The following MKLN1 variants were observed in gnomAD, a reference collection of about 807,000 sequenced individuals.
The protein encoded by MKLN1 is muskelin.
In MKLN1, 18 loss-of-function variants were observed where a neutral mutation model predicts 99.0. The observed-to-expected ratio is 0.18, with a 90% CI of 0.13 to 0.27. The LOEUF is 0.27. Among genes scored for constraint, MKLN1 ranks in the 10% least tolerant of loss-of-function variants. The probability of loss-of-function intolerance (pLI) is 1.00; values close to 1 mark genes in which losing one functional copy is unlikely to be tolerated. For missense variants in MKLN1, 621 were observed against 875.9 expected, an observed-to-expected ratio of 0.71 and a Z score of 3.67; for synonymous variants, 288 against 293.2, an observed-to-expected ratio of 0.98 and a Z score of 0.18.
chr7:131,172,416 C>T (rs1403001673), intron 2 of MKLN1, among the ~76,000 whole-genome samples: 5 of 151,904 alleles, frequency 3.3e-5, no homozygotes, highest in East Asian at 1.9e-4. Flanking sequence ...TCTGGGTTCA[C>T]GCCATTCTCC....
intron 3 of MKLN1, among the ~76,000 whole-genome samples, chr7:131,308,177 G>A (rs1798496740): frequency 6.6e-6 from 1 of 151,636 alleles, no homozygotes. Context: ...TATCATGATT[G>A]TAAGTTTTCT....
chr7:131,119,061 T>G (rs1795321017), intron 1 of MKLN1, among the ~76,000 whole-genome samples: 2 of 152,298 alleles, frequency 1.3e-5, no homozygotes, highest in Admixed American at 1.3e-4. Context: ...AAGTCCAATA[T>G]CTCATCTGAG....
chr7:131,169,334 A>G (rs969768151), intron 2 of MKLN1, among the ~76,000 whole-genome samples: 3 of 152,206 alleles, frequency 2.0e-5, no homozygotes, highest in African/African-American at 7.2e-5. Context: ...GAAACTCGTA[A>G]TCAATTGATG....
intron 1 of MKLN1, among the ~76,000 whole-genome samples, chr7:131,354,640 T>C (rs1799820921): frequency 6.6e-6 from 1 of 152,090 alleles, no homozygotes; most frequent in Non-Finnish European, 1.5e-5. Context: ...TCAAGTTTTA[T>C]TTTTTTCTGG....
At position 131,494,538 on chromosome 7, in the gene MKLN1, G is replaced by A. The variant is rs1797505326; in HGVS notation, c.*6810G>A. On this transcript the variant is annotated 3_prime_UTR_variant, in exon 18 of 18. Transcript: ENST00000352689. ...GTTACTTAGGAGTAGTCTTCCGTGG[G>A]GGAAGATAAATTTATTAAAGAGTCA... is the stretch of plus-strand genomic sequence containing the variant. 1 of 152,050 alleles carries A rather than the reference G, an allele frequency of 6.6e-6. No individual in the cohort carries two copies. The allele number at this position is 152,050 out of a possible 1,614,324, so 9.4% of individuals were successfully genotyped here. A position where few individuals can be genotyped will look rare whatever the true frequency, so the allele number is the denominator to read the frequency against.
upstream of MKLN1, chr7:131,323,847 C>T (rs1798832240): frequency 6.6e-6 from 1 of 152,154 alleles, no homozygotes; most frequent in Non-Finnish European, 1.5e-5. Context: ...TATGGGGGAC[C>T]AGACCCTCGT....
chr7:131,395,184 G>A (rs932765654), intron 4 of MKLN1, among the ~76,000 whole-genome samples: 24 of 152,108 alleles, frequency 1.6e-4, no homozygotes, highest in African/African-American at 5.6e-4. Context: ...ACATGTAAAT[G>A]TTTGGCAAAT....
chr7:131,227,842 A>G (rs1231452673), intron 3 of MKLN1, among the ~76,000 whole-genome samples: 1 of 152,148 alleles, frequency 6.6e-6, no homozygotes, highest in African/African-American at 2.4e-5. Flanking sequence ...CTGGGATTAC[A>G]GGCTTGAGCC....
rs997003096 is a variant in MKLN1, at chr7:131,468,093, C to T, written c.1928+1678C>T. On this transcript the variant is annotated intron_variant, in intron 15 of 17. Transcript: ENST00000352689. ...AGGGACAGGCAGAGGAAGAGACACT[C>T]CACAAGAGATCAAGAAGGCATCTTA... 7.6e-4 allele frequency among the ~76,000 whole-genome samples: 116 copies of T among 152,070 alleles called. 1 individual carries two copies. The highest frequency in any genetic ancestry group is 1.3e-3 in the Non-Finnish European group (91 of 68,010).
intron 2 of MKLN1, among the ~76,000 whole-genome samples, chr7:131,166,273 G>A (rs1796123127): frequency 6.6e-6 from 1 of 152,166 alleles, no homozygotes; most frequent in Admixed American, 6.5e-5. Flanking sequence ...GGATGGAGAT[G>A]CTGAGACTGT....
intron 2 of MKLN1, among the ~76,000 whole-genome samples, chr7:131,200,550 G>C (rs1796712033): frequency 6.6e-6 from 1 of 152,190 alleles, no homozygotes. Flanking sequence ...GCCATTTCCT[G>C]ACTTAGTCAC....
intron 3 of MKLN1, among the ~76,000 whole-genome samples, chr7:131,206,710 C>T (rs868527333): frequency 1.3e-5 from 2 of 151,884 alleles, no homozygotes; most frequent in Admixed American, 6.6e-5. Context: ...CGTGCGCCAC[C>T]GTGGCCGGCT....
chr7:131,457,223 G>C (rs1796370474), intron 12 of MKLN1, among the ~76,000 whole-genome samples: 1 of 151,608 alleles, frequency 6.6e-6, no homozygotes, highest in Admixed American at 6.6e-5. Context: ...ATTGCAGTCA[G>C]CTGAAACTGT....
chr7:131,131,953 C>T (rs1426973559), intron 1 of MKLN1, among the ~76,000 whole-genome samples: 1 of 152,158 alleles, frequency 6.6e-6, no homozygotes, highest in African/African-American at 2.4e-5. Flanking sequence ...ACTCAGAGAT[C>T]ACATGACATG....
At position 131,463,196 on chromosome 7, in the gene MKLN1, ATTT is replaced by A. The variant is rs533293897; in HGVS notation, c.1526-16_1526-14del. The A allele has an allele frequency of 6.4e-4, 1,011 of 1,573,884 alleles. 3 individuals are homozygous for A. Among genetic ancestry groups the A allele is most frequent in the Middle Eastern group, 2.2e-3 (13 of 5,910 alleles). On this transcript the variant is annotated intron_variant, in intron 12 of 17. Transcript: ENST00000352689. ...TATCTAATGTGAATATTTTCATCTT[ATTT>A]TTTTCTTTAATTTGTAGTTCCAATG...
rs560222301 is a variant in MKLN1 at position 131,486,824 on chromosome 7, A to T, written c.2087-783A>T. On this transcript the variant is annotated intron_variant, in intron 17 of 17. Transcript: ENST00000352689. ...ACTGAATATTCCTTTAGCTGGAATG[A>T]ACTTGATAATTGAATGTTTATTAGA... 2.6e-5 allele frequency among the ~76,000 whole-genome samples: 4 copies of T among 152,312 alleles called. No homozygotes were observed. In the Middle Eastern group the frequency reaches 0.014, roughly 518 times the overall value.
At chr7:131,390,050 G>A (rs1286689745) in intron 4 of MKLN1, among the ~76,000 whole-genome samples, 1 of 152,034 alleles carries the variant, frequency 6.6e-6, no homozygotes, top group South Asian at 2.1e-4. Flanking sequence ...TACTCTTTTG[G>A]AGCAAACATA....
chr7:131,292,513 G>C (rs1385728397), intron 3 of MKLN1, among the ~76,000 whole-genome samples: 1 of 152,192 alleles, frequency 6.6e-6, no homozygotes, highest in Admixed American at 6.5e-5. Flanking sequence ...CAAGATACTG[G>C]AGTAGGGTGG....
chr7:131,213,770 A>C (rs546560205), intron 3 of MKLN1, among the ~76,000 whole-genome samples: 1 of 152,154 alleles, frequency 6.6e-6, no homozygotes, highest in Non-Finnish European at 1.5e-5. Flanking sequence ...GAATTTAAAA[A>C]TTTTGCCAAT....
Sources: gnomAD v4.1 joint callset for allele counts (sites outside exome capture counted in the v4.1 genomes callset) on GRCh38, gnomAD v4.1.1 for gene constraint, MANE v1.5 for transcripts, NCBI Gene and HGNC (gene_info 2026-07-23, HGNC 2026-07-21) for gene names.